CPT1C: variants seen among roughly 807,000 people sequenced by gnomAD.
CPT1C encodes the protein carnitine palmitoyltransferase 1C, also known as palmitoyl thioesterase CPT1C.
Under a neutral mutation model 97.3 loss-of-function variants are expected in CPT1C, and 61 were observed. The observed-to-expected ratio is 0.63, with a 90% CI of 0.51 to 0.78. The LOEUF (loss-of-function observed/expected upper bound fraction) is 0.78, where lower values mean the gene tolerates loss of function less well. CPT1C is among the 30% of genes least tolerant of loss of function. CPT1C has a pLI of 0.00. For missense variants in CPT1C, 975 were observed against 1,065.5 expected (o/e 0.92, Z 1.18); for synonymous variants, 469 against 447.2 (o/e 1.05, Z -0.61).
chr19:49,713,580 C>T lies in CPT1C; in HGVS notation c.2387C>T (p.Ala796Val). The T allele has an allele frequency of 6.2e-7, 1 of 1,612,452 alleles. No individual in the cohort carries two copies. The highest frequency in any genetic ancestry group is 8.5e-7 in the Non-Finnish European group (1 of 1,179,228). ...TCCCGCCAGACTGGGGCCTCCAAGG[C>T]CTCAATGACATCCACCGACTTCTGA... ...FLSRQTGASK[A>V]SMTSTDF The change falls in exon 20 of 20, where the codon GCC (alanine) becomes GTC (valine). Residue 796 changes from alanine to valine, a missense_variant. This residue lies in a region of CPT1C where 344 missense variants were observed against 395.7 expected (regional missense o/e 0.87). Coordinates refer to ENST00000598293, the MANE Select transcript of CPT1C (RefSeq NM_001199753.2).
intron 14 of CPT1C, 123 bp from the exon 15 acceptor site, chr19:49,710,197 C>T: frequency 1.1e-6 from 1 of 924,694 alleles, no homozygotes; most frequent in South Asian, 1.5e-5. Flanking sequence ...CTTCTTTGTC[C>T]CCATTTCCAT....
rs1292197792 is a variant in CPT1C at position 49,697,472 on chromosome 19, T to A, written c.281+7T>A. On this transcript the variant is annotated splice_region_variant and intron_variant, in intron 4 of 19. Coordinates refer to ENST00000598293, the MANE Select transcript of CPT1C (RefSeq NM_001199753.2). ...AAGAGTTGCTGCCTGACTGGTGAGG[T>A]CCCCCCACTCCAGCCCAGTAACCCC... 9.9e-6 allele frequency: 16 copies of A among 1,612,454 alleles called. No homozygotes were observed. The highest frequency in any genetic ancestry group is 1.7e-5 in the Admixed American group (1 of 59,822).
At chr19:49,703,784 C>G (rs902857617) in intron 7 of CPT1C, among the ~76,000 whole-genome samples, 3 of 151,728 alleles carry the variant, frequency 2.0e-5, no homozygotes, top group Non-Finnish European at 2.9e-5. Flanking sequence ...AGGCATGTGC[C>G]CCTAAGCCTG....
rs149554934 is a variant in CPT1C, at chr19:49,710,276, C to T, written c.1567-44C>T. On this transcript the variant is annotated intron_variant, in intron 14 of 19. Coordinates refer to ENST00000598293, the MANE Select transcript of CPT1C (RefSeq NM_001199753.2). ...CTTATTCCTGGCTTTCACCCTACCCCCATCTGTAACCCCAACTACTCCTCT... is the reference window on the plus strand; with the variant it reads ...CTTATTCCTGGCTTTCACCCTACCCTCATCTGTAACCCCAACTACTCCTCT... 5,370 of 1,597,908 alleles carry T rather than the reference C, an allele frequency of 3.4e-3. 22 individuals carry two copies. Among genetic ancestry groups the T allele is most frequent in the Non-Finnish European group, 4.1e-3 (4,745 of 1,166,704 alleles).
chr19:49,704,636 GC>G (rs2083397143), intron 7 of CPT1C, 73 bp from the exon 8 acceptor site: 1 of 1,175,352 alleles, frequency 8.5e-7, no homozygotes, highest in Admixed American at 1.9e-5. Flanking sequence ...AGCATCTGGG[GC>G]CTTCCCTGTC....
intron 3 of CPT1C, 152 bp from the exon 4 acceptor site, chr19:49,697,174 G>A (rs1161120097): frequency 1.1e-6 from 1 of 920,206 alleles, no homozygotes; most frequent in South Asian, 1.5e-5. Flanking sequence ...ACCTCGCTGA[G>A]GGCAGGACCT....
chr19:49,699,570 CTT>C (rs2082878816), intron 4 of CPT1C, among the ~76,000 whole-genome samples: 1 of 146,802 alleles, frequency 6.8e-6, no homozygotes, highest in African/African-American at 2.5e-5. Context: ...CATTTGCAAA[CTT>C]TGCAAACAAA....
rs1438650807 is a variant in CPT1C, at chr19:49,712,916, A to T, written c.2134-56A>T. The stretch of plus-strand genomic sequence containing the variant: ...GGCTGGGGGGCCTGCACTCCTGCAT[A>T]GTGGGGGTGGAGGGGACCGGAGCTA... On this transcript the variant is annotated intron_variant, in intron 18 of 19. Transcript: ENST00000598293. 7 of 1,585,208 alleles carry T rather than the reference A, an allele frequency of 4.4e-6. No individual in the cohort carries two copies. The East Asian group carries it at 1.6e-4, about 35-fold the overall frequency.
Position 49,713,668 on chromosome 19 carries a change from C to G in CPT1C, c.*63C>G. 3.3e-6 allele frequency: 5 copies of G among 1,511,252 alleles called. No homozygotes were observed. Among genetic ancestry groups the G allele is most frequent in the Non-Finnish European group, 4.5e-6 (5 of 1,111,572 alleles). 93.6% of individuals were successfully genotyped at this position (1,511,252 alleles called of 1,614,324 possible). On this transcript the variant is annotated 3_prime_UTR_variant, in exon 20 of 20. Transcript: ENST00000598293. ...GGGTGAAATTGCCACAGCTGGCTGA[C>G]ACAGGACAGGGGCAACTGGTTTGGC...
chr19:49,701,636 T>A lies in CPT1C; in HGVS notation c.693+2T>A. 1 of 1,592,942 alleles carries A rather than the reference T, an allele frequency of 6.3e-7. No individual in the cohort carries two copies. Among genetic ancestry groups the A allele is most frequent in the Non-Finnish European group, 8.6e-7 (1 of 1,165,434 alleles). ...AAGTCCTGGTGGGCGTCCAATTATG[T>A]GAGTCCCGCCACCGCCACCAACGCC... On this transcript the variant is annotated splice_donor_variant, in intron 7 of 19. Coordinates refer to ENST00000598293, the MANE Select transcript of CPT1C (RefSeq NM_001199753.2). LOFTEE classifies it high-confidence loss of function.
chr19:49,711,531 A>C, intron 16 of CPT1C: 1 of 472,606 alleles, frequency 2.1e-6, no homozygotes, highest in Non-Finnish European at 3.8e-6. Context: ...CCCTTGCCCT[A>C]CACCTAGCCC....
At position 49,711,729 on chromosome 19, in the gene CPT1C, T is replaced by C; in HGVS notation, c.1867-80T>C. 3.4e-6 allele frequency: 5 copies of C among 1,450,030 alleles called. No homozygotes were observed. In the Admixed American group the frequency reaches 1.0e-4, roughly 29 times the overall value. The allele number at this position is 1,450,030 out of a possible 1,614,324, so 89.8% of individuals were successfully genotyped here. ...CTTGCAGGGATGTGGCAAACTCAGT[T>C]GAGGCCAGATGTGCCGCAGGCCCAG... is the stretch of plus-strand genomic sequence containing the variant. On this transcript the variant is annotated intron_variant, in intron 16 of 19. Coordinates refer to ENST00000598293, the MANE Select transcript of CPT1C (RefSeq NM_001199753.2).
chr19:49,701,141 C>A (rs910705204), intron 5 of CPT1C, among the ~76,000 whole-genome samples, 176 bp from the exon 6 acceptor site: 1 of 149,506 alleles, frequency 6.7e-6, no homozygotes, highest in East Asian at 2.0e-4. Flanking sequence ...CTGTCCCCCT[C>A]TCTCTGGGTC....
At chr19:49,712,168 C>A (rs1174726997) in intron 17 of CPT1C, 2 of 578,912 alleles carry the variant, frequency 3.5e-6, no homozygotes, top group South Asian at 2.1e-5. Context: ...CTTGGCGAAA[C>A]CCTGTCTCTA....
intron 10 of CPT1C, 133 bp downstream of exon 10, chr19:49,705,431 T>A: frequency 2.8e-6 from 2 of 720,420 alleles, no homozygotes; most frequent in South Asian, 4.2e-5. Context: ...GTTATTACCC[T>A]CTCTGAGCCT....
Position 49,710,818 on chromosome 19 carries a change from C to T in CPT1C, c.1827C>T (p.Ala609=), listed in dbSNP as rs1245743803. Reference sequence around the variant, plus strand: ...CGGTGCGGTCTTGCACGAGGGAGGCCTGCAACTTTGTCAGGGCCATGGAGG... The same window carrying T: ...CGGTGCGGTCTTGCACGAGGGAGGCTTGCAACTTTGTCAGGGCCATGGAGG... ...TETVRSCTRE[A]CNFVRAMEDK... Residue 609 remains alanine, a synonymous_variant, in exon 16 of 20, where the codon GCC becomes GCT. Coordinates refer to ENST00000598293, the MANE Select transcript of CPT1C (RefSeq NM_001199753.2). The T allele has an allele frequency of 3.1e-6, 5 of 1,613,934 alleles. No individual in the cohort carries two copies. Among genetic ancestry groups the T allele is most frequent in the Non-Finnish European group, 4.2e-6 (5 of 1,179,838 alleles).
At chr19:49,701,146 T>TCTGGGTCTCTGTCCCCCTCTCTCC (rs2083024635) in intron 5 of CPT1C, among the ~76,000 whole-genome samples, 171 bp from the exon 6 acceptor site, 1 of 148,586 alleles carries the variant, frequency 6.7e-6, no homozygotes, top group South Asian at 2.2e-4. Flanking sequence ...CCCCTCTCTC[T>TCTGGGTCTCTGTCCCCCTCTCTCC]GGGTCTCTGT....
rs190170246 is a variant in CPT1C, at chr19:49,694,368, C to T, written c.141+1975C>T. Among the ~76,000 whole-genome samples the T allele has an allele frequency of 1.1e-4, 16 of 151,848 alleles. No individual in the cohort carries two copies. The East Asian group carries it at 2.1e-3, about 20-fold the overall frequency. Reference sequence around the variant, plus strand: ...GTGGCAGGCCAGGTGCGGTGGCTCACGCCTGTAATCCCAGCACTTTGGGAA... The same window carrying T: ...GTGGCAGGCCAGGTGCGGTGGCTCATGCCTGTAATCCCAGCACTTTGGGAA... On this transcript the variant is annotated intron_variant, in intron 3 of 19. Transcript: ENST00000598293.
chr19:49,711,821 C>T lies in CPT1C; in HGVS notation c.1879C>T (p.Leu627Phe). The T allele has an allele frequency of 6.2e-7, 1 of 1,612,580 alleles. No individual in the cohort carries two copies. The highest frequency in any genetic ancestry group is 8.5e-7 in the Non-Finnish European group (1 of 1,179,782). ...CTGGGGACTGCAGGACCCACAGTGC[C>T]TCGCCCTGTTCCGCGTGGCAGTGGA... ...EDKEKTDPQC[L>F]ALFRVAVDKH... Residue 627 changes from leucine (L) to phenylalanine (F), a missense_variant, in exon 17 of 20, where the codon CTC (leucine) becomes TTC (phenylalanine). Physicochemically the swap from Leu to Phe is conservative, Grantham distance 22. Around this residue, in one of 3 missense-constraint regions of CPT1C, gnomAD observed 344 missense variants for 395.7 expected, o/e 0.87. Transcript: ENST00000598293.
Sources: allele counts gnomAD v4.1 joint callset (sites outside exome capture counted in the v4.1 genomes callset), GRCh38; gene constraint gnomAD v4.1.1; regional missense constraint gnomAD v4.1.1; transcripts MANE v1.5; gene names NCBI Gene and HGNC (gene_info 2026-07-23, HGNC 2026-07-21).